COX10: variants seen among roughly 807,000 people sequenced by gnomAD.
COX10 encodes the protein protoheme IX farnesyltransferase, mitochondrial.
Under a neutral mutation model 37.3 loss-of-function variants are expected in COX10, and 27 were observed. The ratio of observed to expected loss-of-function variants is 0.72; its 90% CI spans 0.53 to 1.00. COX10 has a LOEUF of 1.00. Ranked by LOEUF, COX10 falls within the 50% of genes least tolerant of loss-of-function variation. COX10 has a pLI of 0.00. For synonymous variants in COX10, 222 were observed against 229.1 expected, an observed-to-expected ratio of 0.97 and a Z score of 0.28; for missense variants, 475 against 563.2, an observed-to-expected ratio of 0.84 and a Z score of 1.59.
At chr17:14,101,406 C>T (rs556298381) in intron 3 of COX10, among the ~76,000 whole-genome samples, 5 of 152,264 alleles carry the variant, frequency 3.3e-5, no homozygotes, top group South Asian at 2.1e-4. Flanking sequence ...CTTTTTCCAG[C>T]GGATTTCTAC....
In COX10 at chr17:14,069,601, A is replaced by G. The variant is rs1048584072; in HGVS notation, c.-5A>G. ...TCCCGGGGAGCGGCCCCAGACTCGTAAATTATGGCCGCATCTCCGCACACT... is the reference window on the plus strand; with the variant it reads ...TCCCGGGGAGCGGCCCCAGACTCGTGAATTATGGCCGCATCTCCGCACACT... On this transcript the variant is annotated 5_prime_UTR_variant, in exon 1 of 7. Transcript: ENST00000261643. The G allele has an allele frequency of 6.2e-7, 1 of 1,613,932 alleles. No homozygotes were observed. The highest frequency in any genetic ancestry group is 8.5e-7 in the Non-Finnish European group (1 of 1,180,012).
intron 4 of COX10, among the ~76,000 whole-genome samples, chr17:14,109,271 CAGAA>C (rs1405683515): frequency 6.6e-6 from 1 of 152,070 alleles, no homozygotes; most frequent in African/African-American, 2.4e-5. Context: ...TGAACAATGA[CAGAA>C]AGAAAATGCA....
At chr17:14,084,614 C>T (rs752809141) in intron 3 of COX10, among the ~76,000 whole-genome samples, 11 of 152,118 alleles carry the variant, frequency 7.2e-5, no homozygotes, top group East Asian at 3.8e-4. Flanking sequence ...TTTCTTAAAA[C>T]GCAAACACAT....
chr17:14,076,965 G>A lies in COX10; in HGVS notation c.408G>A (p.Glu136=), dbSNP rs752945911. ...VIEDSIDVGK[E]TKEEKRWKEM... ...AAGACTCAATAGATGTAGGGAAAGA[G>A]ACAAAAGAGGAAAAGCGGTGGAAAG... Residue 136 remains glutamate, a synonymous_variant, in exon 3 of 7, where the codon GAG becomes GAA. Coordinates refer to ENST00000261643, the MANE Select transcript of COX10 (RefSeq NM_001303.4). 1.2e-6 allele frequency: 2 copies of A among 1,614,192 alleles called. No homozygotes were observed. The highest frequency in any genetic ancestry group is 4.5e-5 in the East Asian group (2 of 44,876).
intron 3 of COX10, among the ~76,000 whole-genome samples, chr17:14,084,700 A>G (rs1915370836): frequency 2.0e-5 from 3 of 152,064 alleles, no homozygotes; most frequent in South Asian, 2.1e-4. Context: ...CGCTCTTGTC[A>G]CCCAGTCTGG....
chr17:14,085,706 A>G (rs1054908416), intron 3 of COX10, among the ~76,000 whole-genome samples: 4 of 152,156 alleles, frequency 2.6e-5, no homozygotes, highest in Admixed American at 2.0e-4. Flanking sequence ...AGCTAAATCT[A>G]TAATGATTTT....
intron 4 of COX10, among the ~76,000 whole-genome samples, chr17:14,143,360 T>C (rs765754663): frequency 1.3e-5 from 2 of 152,176 alleles, no homozygotes; most frequent in Non-Finnish European, 2.9e-5. Context: ...CTTGAAAACA[T>C]ATACTCTTTA....
chr17:14,187,322 G>T (rs1906063999), intron 5 of COX10, among the ~76,000 whole-genome samples: 1 of 152,064 alleles, frequency 6.6e-6, no homozygotes, highest in Admixed American at 6.5e-5. Context: ...TTTAAAAATG[G>T]AAAAAGACTG....
At chr17:14,075,536 A>T (rs1005573854) in intron 2 of COX10, among the ~76,000 whole-genome samples, 4 of 152,154 alleles carry the variant, frequency 2.6e-5, no homozygotes, top group Non-Finnish European at 5.9e-5. Context: ...ACTAATAATG[A>T]TCTATCTTCT....
At chr17:14,189,265 C>G (rs1056862006) in intron 5 of COX10, among the ~76,000 whole-genome samples, 2 of 152,044 alleles carry the variant, frequency 1.3e-5, no homozygotes, top group African/African-American at 4.8e-5. Context: ...ATTGAGACGT[C>G]TATGGTATTG....
At chr17:14,180,519 G>GA (rs1451707798) in intron 5 of COX10, among the ~76,000 whole-genome samples, 1 of 152,068 alleles carries the variant, frequency 6.6e-6, no homozygotes, top group Non-Finnish European at 1.5e-5. Context: ...CTCATCATGA[G>GA]AAAAAAGAAA....
chr17:14,203,133 G>C (rs1223478944), intron 6 of COX10, among the ~76,000 whole-genome samples: 3 of 152,108 alleles, frequency 2.0e-5, no homozygotes, highest in Non-Finnish European at 4.4e-5. Flanking sequence ...TGAGACACCT[G>C]TCATCTGTTT....
chr17:14,150,750 T>C (rs748235456), intron 4 of COX10, among the ~76,000 whole-genome samples: 1 of 152,190 alleles, frequency 6.6e-6, no homozygotes, highest in South Asian at 2.1e-4. Context: ...CTGGATTCTT[T>C]AGCATTTGAG....
chr17:14,120,910 T>C (rs1916215081), intron 4 of COX10, among the ~76,000 whole-genome samples: 1 of 152,184 alleles, frequency 6.6e-6, no homozygotes, highest in Non-Finnish European at 1.5e-5. Flanking sequence ...GTGGAGAACC[T>C]GCATCTTTGT....
chr17:14,153,975 G>A (rs1389936376), intron 4 of COX10, among the ~76,000 whole-genome samples: 1 of 152,170 alleles, frequency 6.6e-6, no homozygotes, highest in Non-Finnish European at 1.5e-5. Flanking sequence ...GAAACCCTCT[G>A]CAAGATGATG....
At chr17:14,093,818 G>T (rs1915581847) in intron 3 of COX10, among the ~76,000 whole-genome samples, 1 of 152,190 alleles carries the variant, frequency 6.6e-6, no homozygotes, top group Non-Finnish European at 1.5e-5. Flanking sequence ...CTAGGTGATT[G>T]TGTGTTTGTA....
rs3785681 is a variant in COX10 at position 14,149,472 on chromosome 17, T to C, written c.625-10405T>C. ...CTATGGAGAAAATAGTATATGTGTT[T>C]TAGCGGCGATACTGTGTCTTTGTGT... On this transcript the variant is annotated intron_variant, in intron 4 of 6. Coordinates refer to ENST00000261643, the MANE Select transcript of COX10 (RefSeq NM_001303.4). Among the ~76,000 whole-genome samples the C allele has an allele frequency of 8.7e-3, 1,319 of 152,290 alleles. 58 individuals are homozygous for C. In the East Asian group the frequency reaches 0.092, roughly 11 times the overall value.
intron 3 of COX10, among the ~76,000 whole-genome samples, chr17:14,098,957 G>A (rs2142197818): frequency 6.6e-6 from 1 of 152,244 alleles, no homozygotes; most frequent in South Asian, 2.1e-4. Context: ...AAGCAGAGGA[G>A]ATGTGAGAGG....
chr17:14,074,894 T>G (rs1915106538), intron 2 of COX10, among the ~76,000 whole-genome samples: 1 of 152,212 alleles, frequency 6.6e-6, no homozygotes, highest in South Asian at 2.1e-4. Context: ...TCTGAGTAAA[T>G]TCAAACAATT....
Sources: allele counts gnomAD v4.1 joint callset (sites outside exome capture counted in the v4.1 genomes callset), GRCh38; gene constraint gnomAD v4.1.1; transcripts MANE v1.5; gene names NCBI Gene and HGNC (gene_info 2026-07-23, HGNC 2026-07-21).